The following RASA2 variants were observed in gnomAD, a reference collection of about 807,000 sequenced individuals.
The protein encoded by RASA2 is ras GTPase-activating protein 2.
Under a neutral mutation model 118.2 loss-of-function variants are expected in RASA2, and 155 were observed. The observed-to-expected ratio is 1.31, with a 90% confidence interval of 1.15 to 1.50. The LOEUF (loss-of-function observed/expected upper bound fraction) is 1.50. Ranked by LOEUF, RASA2 falls within the 40% of genes most tolerant of loss-of-function variation. The pLI is 0.00. For synonymous variants in RASA2, 353 were observed against 349.1 expected, an observed-to-expected ratio of 1.01 and a Z score of -0.12; for missense variants, 1,016 against 1,009.6, an observed-to-expected ratio of 1.01 and a Z score of -0.09.
chr3:141,523,807 G>T (rs2082146825), intron 3 of RASA2, among the ~76,000 whole-genome samples: 1 of 152,178 alleles, frequency 6.6e-6, no homozygotes, highest in Non-Finnish European at 1.5e-5. Flanking sequence ...GAATGTCAGA[G>T]ACCTGAATAC....
chr3:141,512,253 G>T lies in RASA2; in HGVS notation c.224G>T (p.Arg75Leu), dbSNP rs759141778. ...AATTTGGACCAGGAAGAAGTTTATC[G>T]TACCCAAGTTGTGGAAAAATCTTTA... is the stretch of plus-strand genomic sequence containing the variant. ...TINLDQEEVYRTQVVEKSLSP... is the reference protein window; with the variant it reads ...TINLDQEEVYLTQVVEKSLSP... Residue 75 changes from arginine to leucine, a missense_variant, in exon 2 of 24, where the codon CGT (arginine) becomes CTT (leucine). Transcript: ENST00000286364. The T allele has an allele frequency of 1.9e-6, 3 of 1,589,446 alleles. No homozygotes were observed. Among genetic ancestry groups the T allele is most frequent in the Non-Finnish European group, 2.6e-6 (3 of 1,172,828 alleles).
At chr3:141,528,012 A>G (rs188884456) in intron 3 of RASA2, among the ~76,000 whole-genome samples, 151 of 152,112 alleles carry the variant, frequency 9.9e-4, no homozygotes, top group Middle Eastern at 7.1e-3. Context: ...AAAGTATTCA[A>G]AAGAAAGTTG....
At position 141,558,058 on chromosome 3, in the gene RASA2, T is replaced by C. The variant is rs551866664; in HGVS notation, c.685-828T>C. 3.9e-5 allele frequency among the ~76,000 whole-genome samples: 6 copies of C among 152,254 alleles called. No homozygotes were observed. In the South Asian group the frequency reaches 1.2e-3, roughly 32 times the overall value. ...CAAGAAAGCCAAGAGAATAGAGGTA[T>C]ACAATACAGGAGAAAAGTGAAGAAA... On this transcript the variant is annotated intron_variant, in intron 7 of 23. Transcript: ENST00000286364.
intron 1 of RASA2, among the ~76,000 whole-genome samples, chr3:141,490,357 A>AC (rs2081626605): frequency 2.9e-5 from 4 of 139,030 alleles, no homozygotes; most frequent in Non-Finnish European, 3.1e-5. Flanking sequence ...AAAAAAAAAA[A>AC]CCGTATTCAA....
rs144777246 is a variant in RASA2, at chr3:141,555,175, C to G, written c.612-665C>G. On this transcript the variant is annotated intron_variant, in intron 6 of 23. Coordinates refer to ENST00000286364, the MANE Select transcript of RASA2 (RefSeq NM_006506.5). The stretch of plus-strand genomic sequence containing the variant: ...ACTCGGGAGGCTGAGGCAGGAGAAT[C>G]GCTTGAACCCTGAGGCGAAGGTTAT... Among the ~76,000 whole-genome samples the G allele has an allele frequency of 2.6e-5, 4 of 152,262 alleles. No individual in the cohort carries two copies. In the South Asian group the frequency reaches 6.2e-4, roughly 24 times the overall value.
chr3:141,496,961 T>C lies in RASA2; in HGVS notation c.133+9745T>C, dbSNP rs201352544. ...CTGGGTTAACAAAATGTGGCACATA[T>C]ACACCATGGAATACTATGCAGCCAT... On this transcript the variant is annotated intron_variant, in intron 1 of 23. Transcript: ENST00000286364. Among the ~76,000 whole-genome samples, 10 of 152,168 alleles carry C rather than the reference T, an allele frequency of 6.6e-5. No individual in the cohort carries two copies. In the East Asian group the frequency reaches 1.7e-3, roughly 26 times the overall value.
At chr3:141,579,991 G>T (rs186194447) in intron 15 of RASA2, among the ~76,000 whole-genome samples, 23 of 146,690 alleles carry the variant, frequency 1.6e-4, no homozygotes, top group African/African-American at 5.3e-4. Flanking sequence ...AGAAGGTGGA[G>T]GTTACAGTGA....
intron 3 of RASA2, among the ~76,000 whole-genome samples, chr3:141,520,200 A>G (rs2082091088): frequency 6.6e-6 from 1 of 151,760 alleles, no homozygotes. Flanking sequence ...TTTAGTAGAG[A>G]CAGGGTTTCA....
intron 3 of RASA2, chr3:141,525,284 A>G (rs1261336320): frequency 6.6e-6 from 1 of 151,802 alleles, no homozygotes; most frequent in Non-Finnish European, 1.5e-5. Context: ...CTAACTTTAA[A>G]TGATTTGTTG....
intron 6 of RASA2, among the ~76,000 whole-genome samples, chr3:141,554,201 A>G (rs1287381033): frequency 6.6e-6 from 1 of 152,224 alleles, no homozygotes; most frequent in African/African-American, 2.4e-5. Flanking sequence ...ATACTAGTAC[A>G]ATGTAGTACT....
intron 1 of RASA2, among the ~76,000 whole-genome samples, chr3:141,508,236 G>C (rs1037212645): frequency 2.6e-5 from 4 of 152,078 alleles, no homozygotes; most frequent in African/African-American, 9.7e-5. Context: ...AAGACCAAAA[G>C]AGGGAGTATA....
chr3:141,569,778 C>T (rs544843686), intron 9 of RASA2, among the ~76,000 whole-genome samples: 2 of 151,972 alleles, frequency 1.3e-5, no homozygotes, highest in African/African-American at 2.4e-5. Context: ...ATCCCTACCC[C>T]CCTATCTCCC....
At chr3:141,567,023 G>A (rs578078943) in intron 9 of RASA2, among the ~76,000 whole-genome samples, 1 of 152,160 alleles carries the variant, frequency 6.6e-6, no homozygotes, top group African/African-American at 2.4e-5. Flanking sequence ...ATCTGTTTTA[G>A]TATTTTTAGG....
At position 141,555,894 on chromosome 3, in the gene RASA2, T is replaced by C; in HGVS notation, c.666T>C (p.Asn222=). The part of the protein sequence containing the change: ...VKKKTSNPQF[N]EIFYFEVTRS... ...AGAAAACAAGCAATCCGCAGTTTAA[T>C]GAAATCTTTTATTTTGAGGTAATTT... The change falls in exon 7 of 24, where the codon AAT becomes AAC. Residue 222 remains asparagine, a synonymous_variant. Transcript: ENST00000286364. 1 of 1,610,686 alleles carries C rather than the reference T, an allele frequency of 6.2e-7. No individual in the cohort carries two copies. The highest frequency in any genetic ancestry group is 8.5e-7 in the Non-Finnish European group (1 of 1,178,138).
In RASA2 at chr3:141,574,028, T is replaced by G; in HGVS notation, c.1444T>G (p.Phe482Val). 1 of 1,589,154 alleles carries G rather than the reference T, an allele frequency of 6.3e-7. No individual in the cohort carries two copies. Among genetic ancestry groups the G allele is most frequent in the Non-Finnish European group, 8.6e-7 (1 of 1,163,598 alleles). ...MSCPTVMCDI[F>V]YSLRQMATQR... Reference sequence around the variant, plus strand: ...CTGCCCCACTGTAATGTGTGATATCTTTTATTCTCTAAGGCAGATGGCTAC... The same window carrying G: ...CTGCCCCACTGTAATGTGTGATATCGTTTATTCTCTAAGGCAGATGGCTAC... Residue 482 changes from phenylalanine (F) to valine (V), a missense_variant, in exon 14 of 24, where the codon TTT becomes GTT. Coordinates refer to ENST00000286364, the MANE Select transcript of RASA2 (RefSeq NM_006506.5).
At chr3:141,594,920 T>G (rs1486363590) in intron 19 of RASA2, among the ~76,000 whole-genome samples, 2 of 151,974 alleles carry the variant, frequency 1.3e-5, no homozygotes, top group African/African-American at 4.8e-5. Flanking sequence ...CGATGCAAAA[T>G]GTATAACATT....
intron 5 of RASA2, 31 bp from the exon 6 acceptor site, chr3:141,553,826 A>C: frequency 6.3e-7 from 1 of 1,585,270 alleles, no homozygotes; most frequent in Non-Finnish European, 8.6e-7. Flanking sequence ...ACTGGAATCT[A>C]ATATGTTAAA....
At chr3:141,492,947 G>C (rs2081656179) in intron 1 of RASA2, among the ~76,000 whole-genome samples, 1 of 152,142 alleles carries the variant, frequency 6.6e-6, no homozygotes, top group African/African-American at 2.4e-5. Context: ...TCTATACTAA[G>C]CAATAGCTGT....
rs149406987 is a variant in RASA2, at chr3:141,519,912, A to C, written c.355+3481A>C. On this transcript the variant is annotated intron_variant, in intron 3 of 23. Coordinates refer to ENST00000286364, the MANE Select transcript of RASA2 (RefSeq NM_006506.5). ...TGCTGGAGATATGAACAGAATACTT[A>C]GAATAGTAGGGAGAACAGCTCATTT... Among the ~76,000 whole-genome samples the C allele has an allele frequency of 2.6e-5, 4 of 152,144 alleles. No homozygotes were observed. In the East Asian group the frequency reaches 7.7e-4, roughly 29 times the overall value.
Sources: gnomAD v4.1 joint callset for allele counts (sites outside exome capture counted in the v4.1 genomes callset) on GRCh38, gnomAD v4.1.1 for gene constraint, MANE v1.5 for transcripts, NCBI Gene and HGNC (gene_info 2026-07-23, HGNC 2026-07-21) for gene names.